RGL1: variants seen among roughly 807,000 people sequenced by gnomAD.
RGL1 encodes ral guanine nucleotide dissociation stimulator like 1.
Under a neutral mutation model 95.2 loss-of-function variants are expected in RGL1, and 24 were observed. The ratio of observed to expected loss-of-function variants is 0.25; its 90% CI spans 0.18 to 0.35. The LOEUF is 0.35. RGL1 is among the 10% of genes least tolerant of loss of function. The pLI, the probability that RGL1 is intolerant of heterozygous loss-of-function variation, is 1.00. For missense variants in RGL1, 715 were observed against 936.3 expected (o/e 0.76, Z 3.08); for synonymous variants, 329 against 344.9 (o/e 0.95, Z 0.51).
chr1:183,740,317 C>T (rs767309131), intron 1 of RGL1, among the ~76,000 whole-genome samples: 1 of 152,082 alleles, frequency 6.6e-6, no homozygotes, highest in Non-Finnish European at 1.5e-5. Flanking sequence ...GTATTAAGTG[C>T]TCTATGTTTC....
chr1:183,759,055 C>T (rs536988773), intron 2 of RGL1, among the ~76,000 whole-genome samples: 1 of 152,296 alleles, frequency 6.6e-6, no homozygotes, highest in African/African-American at 2.4e-5. Flanking sequence ...AGAATCACAT[C>T]AGAGTTTTCC....
At chr1:183,665,992 G>GTCT (rs1368867441) in intron 1 of RGL1, among the ~76,000 whole-genome samples, 184 of 149,040 alleles carry the variant, frequency 1.2e-3, no homozygotes, top group African/African-American at 4.5e-3. Context: ...TTGACTGAAG[G>GTCT]TCTTCTTTTT....
intron 2 of RGL1, among the ~76,000 whole-genome samples, chr1:183,814,546 C>T (rs927659241): frequency 3.9e-5 from 6 of 152,022 alleles, no homozygotes; most frequent in Non-Finnish European, 8.8e-5. Context: ...ATGTAAACTC[C>T]CCCAGAAGTT....
chr1:183,918,338 T>C (rs1270075224), intron 16 of RGL1, among the ~76,000 whole-genome samples: 3 of 151,830 alleles, frequency 2.0e-5, no homozygotes, highest in African/African-American at 7.3e-5. Context: ...GAGGGGCTAA[T>C]AAAGGAGCAC....
intron 4 of RGL1, among the ~76,000 whole-genome samples, chr1:183,867,878 A>G (rs1404035510): frequency 6.6e-6 from 1 of 152,190 alleles, no homozygotes; most frequent in Non-Finnish European, 1.5e-5. Flanking sequence ...TTTCTTCAGG[A>G]GCTAGGGATG....
At chr1:183,905,580 T>C (rs1354759156) in intron 13 of RGL1, among the ~76,000 whole-genome samples, 2 of 152,144 alleles carry the variant, frequency 1.3e-5, no homozygotes, top group African/African-American at 4.8e-5. Context: ...AGCAAAAGCT[T>C]GGTGGCCTGA....
chr1:183,823,957 T>C (rs987777736), intron 2 of RGL1, among the ~76,000 whole-genome samples: 1 of 152,108 alleles, frequency 6.6e-6, no homozygotes, highest in African/African-American at 2.4e-5. Context: ...TGGCTAATTC[T>C]TTTAATTTTT....
chr1:183,826,855 T>C (rs1662898304), intron 2 of RGL1, among the ~76,000 whole-genome samples: 1 of 152,228 alleles, frequency 6.6e-6, no homozygotes, highest in African/African-American at 2.4e-5. Flanking sequence ...ATAATTCCTG[T>C]ATTGAACACT....
intron 1 of RGL1, among the ~76,000 whole-genome samples, chr1:183,720,586 T>C (rs1280194143): frequency 1.3e-5 from 2 of 152,270 alleles, no homozygotes; most frequent in African/African-American, 4.8e-5. Flanking sequence ...ACTACTGACT[T>C]GTCAATATTA....
chr1:183,764,002 G>C (rs1022060769), intron 2 of RGL1, among the ~76,000 whole-genome samples: 1 of 152,218 alleles, frequency 6.6e-6, no homozygotes, highest in African/African-American at 2.4e-5. Flanking sequence ...GCTCCAATGA[G>C]ACTACCCTGC....
intron 1 of RGL1, among the ~76,000 whole-genome samples, chr1:183,711,493 T>G (rs1325573188): frequency 6.6e-6 from 1 of 152,080 alleles, no homozygotes; most frequent in Non-Finnish European, 1.5e-5. Context: ...AGAGAAGCAC[T>G]CTAGAGAGGA....
chr1:183,848,399 G>A (rs969963686), intron 3 of RGL1, among the ~76,000 whole-genome samples: 6 of 152,054 alleles, frequency 3.9e-5, no homozygotes, highest in African/African-American at 1.4e-4. Flanking sequence ...ATTAAACTTG[G>A]TCTTTTAGAA....
At chr1:183,765,898 C>T (rs1294391350) in intron 2 of RGL1, among the ~76,000 whole-genome samples, 1 of 152,070 alleles carries the variant, frequency 6.6e-6, no homozygotes, top group Non-Finnish European at 1.5e-5. Context: ...TTACTAATAA[C>T]ATATTGAGAC....
chr1:183,636,258 T>A (rs1558125240), exon 1 of RGL1: 1 of 398,040 alleles, frequency 2.5e-6, no homozygotes, highest in Non-Finnish European at 4.4e-6. Flanking sequence ...TGCCCTGCAG[T>A]TGGTAGGAGT....
intron 1 of RGL1, among the ~76,000 whole-genome samples, chr1:183,650,499 C>T (rs1008801190): frequency 1.3e-5 from 2 of 152,118 alleles, no homozygotes; most frequent in African/African-American, 2.4e-5. Context: ...GCCAACATCC[C>T]ACCACTGCAC....
chr1:183,801,021 G>A (rs973922881), upstream of RGL1, among the ~76,000 whole-genome samples: 4 of 125,820 alleles, frequency 3.2e-5, no homozygotes, highest in African/African-American at 1.2e-4. Context: ...AGACTATATG[G>A]TAGTTCTCTT....
At chr1:183,700,147 A>G (rs1395512698) in intron 1 of RGL1, among the ~76,000 whole-genome samples, 1 of 152,156 alleles carries the variant, frequency 6.6e-6, no homozygotes, top group Non-Finnish European at 1.5e-5. Flanking sequence ...TGACAAAGTA[A>G]TAGGGAATTG....
chr1:183,902,747 T>C, intron 12 of RGL1, 147 bp downstream of exon 12: 1 of 659,134 alleles, frequency 1.5e-6, no homozygotes, highest in Non-Finnish European at 2.6e-6. Context: ...GGCATTCTCC[T>C]ATACATTATC....
chr1:183,895,139 T>C (rs1254445188), intron 9 of RGL1, among the ~76,000 whole-genome samples: 1 of 152,156 alleles, frequency 6.6e-6, no homozygotes, highest in Non-Finnish European at 1.5e-5. Flanking sequence ...CTCCAAAACA[T>C]GCTAAACTCA....
Sources: allele counts gnomAD v4.1 joint callset (sites outside exome capture counted in the v4.1 genomes callset), GRCh38; gene constraint gnomAD v4.1.1; transcripts MANE v1.5; gene names NCBI Gene and HGNC (gene_info 2026-07-23, HGNC 2026-07-21).